Variants in SWAP70 observed in about 807,000 individuals in gnomAD.
SWAP70 encodes the protein switch-associated protein 70.
SWAP70 carries 34 observed loss-of-function variants against 80.2 expected under a neutral mutation model. That is an observed-to-expected ratio of 0.42 (90% CI 0.32 to 0.56). The LOEUF is 0.56. Ranked by LOEUF, SWAP70 falls within the 20% of genes least tolerant of loss-of-function variation. SWAP70 has a pLI of 0.09. For synonymous variants in SWAP70, 239 were observed against 238.5 expected (o/e 1.00, Z -0.02); for missense variants, 578 against 690.7 (o/e 0.84, Z 1.83).
chr11:9,743,330 T>C (rs1159340319), intron 9 of SWAP70, among the ~76,000 whole-genome samples: 2 of 151,782 alleles, frequency 1.3e-5, no homozygotes, highest in Non-Finnish European at 2.9e-5. Context: ...TCCAAGTCTT[T>C]GCTATTGTGA....
At position 9,740,346 on chromosome 11, in the gene SWAP70, A is replaced by G; in HGVS notation, c.1354A>G (p.Arg452Gly). 1 of 1,614,182 alleles carries G rather than the reference A, an allele frequency of 6.2e-7. No homozygotes were observed. The highest frequency in any genetic ancestry group is 1.1e-5 in the South Asian group (1 of 91,080). The change falls in exon 9 of 12, where the codon AGG becomes GGG. Residue 452 changes from arginine to glycine, a missense_variant and splice_region_variant. Coordinates refer to ENST00000318950, the MANE Select transcript of SWAP70 (RefSeq NM_015055.4). ...AGAGACAGTGCGGAAGCTTCAGGCC[A>G]GGTGCCAGATTTGTTTGCAGACTTT... ...DEETVRKLQA[R>G]LLEEESSKRA...
At chr11:9,745,146 A>G (rs60544361) in intron 9 of SWAP70, among the ~76,000 whole-genome samples, 15,103 of 152,172 alleles carry the variant, frequency 0.099, 1,907 homozygotes, top group East Asian at 0.28. Flanking sequence ...TACTTTTCAT[A>G]TATTTGAAGG....
At chr11:9,743,367 C>T (rs1054051210) in intron 9 of SWAP70, among the ~76,000 whole-genome samples, 9 of 151,952 alleles carry the variant, frequency 5.9e-5, no homozygotes, top group African/African-American at 2.2e-4. Flanking sequence ...CATACTTGTG[C>T]ATGTGTCTTT....
intron 9 of SWAP70, among the ~76,000 whole-genome samples, chr11:9,743,933 G>A (rs1851475887): frequency 6.6e-6 from 1 of 151,172 alleles, no homozygotes; most frequent in African/African-American, 2.4e-5. Flanking sequence ...TGAAAGACAA[G>A]AACTTTAGCT....
chr11:9,720,049 A>G, intron 3 of SWAP70: 1 of 985,190 alleles, frequency 1.0e-6, no homozygotes, highest in Middle Eastern at 5.2e-4. Flanking sequence ...CTGCTTCCTG[A>G]AACTGAATGA....
intron 1 of SWAP70, among the ~76,000 whole-genome samples, chr11:9,683,751 C>T (rs1025071283): frequency 1.3e-5 from 2 of 152,212 alleles, no homozygotes; most frequent in African/African-American, 4.8e-5. Context: ...CCTACCACCC[C>T]GCTCTGTCAC....
At chr11:9,743,951 C>T (rs894756893) in intron 9 of SWAP70, among the ~76,000 whole-genome samples, 1 of 144,508 alleles carries the variant, frequency 6.9e-6, no homozygotes, top group Non-Finnish European at 1.5e-5. Context: ...GCTTGAAACA[C>T]GTAGATCTTG....
At chr11:9,742,951 A>G (rs1394889704) in intron 9 of SWAP70, among the ~76,000 whole-genome samples, 2 of 148,516 alleles carry the variant, frequency 1.3e-5, no homozygotes, top group African/African-American at 2.5e-5. Context: ...CACAATGTGC[A>G]GGTTTGTTAC....
chr11:9,707,804 C>T (rs935852752), intron 2 of SWAP70, among the ~76,000 whole-genome samples: 3 of 152,102 alleles, frequency 2.0e-5, no homozygotes, highest in Non-Finnish European at 4.4e-5. Flanking sequence ...GATCCACCTG[C>T]GTTGGCCTCC....
At chr11:9,680,164 T>G (rs1017924159) in intron 1 of SWAP70, among the ~76,000 whole-genome samples, 3 of 152,176 alleles carry the variant, frequency 2.0e-5, no homozygotes, top group Non-Finnish European at 4.4e-5. Context: ...GCCTTGTCCC[T>G]TAAGTTGAGG....
At chr11:9,668,610 A>G (rs181975484) in intron 1 of SWAP70, among the ~76,000 whole-genome samples, 1 of 152,296 alleles carries the variant, frequency 6.6e-6, no homozygotes, top group African/African-American at 2.4e-5. Context: ...TAAGTCTACT[A>G]TGTGTAAGGT....
chr11:9,733,437 G>T (rs1294636065), intron 7 of SWAP70, among the ~76,000 whole-genome samples: 1 of 152,158 alleles, frequency 6.6e-6, no homozygotes, highest in Non-Finnish European at 1.5e-5. Flanking sequence ...CATAATCTGT[G>T]ACTCTACATA....
At chr11:9,742,523 G>A (rs1851454256) in intron 9 of SWAP70, among the ~76,000 whole-genome samples, 1 of 152,060 alleles carries the variant, frequency 6.6e-6, no homozygotes, top group African/African-American at 2.4e-5. Context: ...TTTTAGTAGA[G>A]ATGGGGTTTT....
chr11:9,706,410 TTTTG>T (rs1466615011), intron 2 of SWAP70, among the ~76,000 whole-genome samples: 10 of 152,318 alleles, frequency 6.6e-5, no homozygotes, highest in East Asian at 1.9e-4. Context: ...CATTTTGTCT[TTTTG>T]TTTATTTTAT....
intron 2 of SWAP70, chr11:9,703,273 A>G (rs565890013): frequency 6.8e-6 from 3 of 438,174 alleles, no homozygotes; most frequent in African/African-American, 4.0e-5. Flanking sequence ...ATTCCTTTTT[A>G]TGGCTGAATA....
Position 9,717,405 on chromosome 11 carries a change from G to C in SWAP70, c.414+3766G>C, listed in dbSNP as rs139961555. 3.4e-3 allele frequency among the ~76,000 whole-genome samples: 522 copies of C among 152,248 alleles called. 8 individuals carry two copies. In the East Asian group the frequency reaches 0.059, roughly 17 times the overall value. ...TCCCAGCACTTTGGGAGGCTGAGGC[G>C]GGCAGATCGCTTGAGCTCATGAGTT... On this transcript the variant is annotated intron_variant, in intron 3 of 11. Transcript: ENST00000318950.
chr11:9,710,398 G>T (rs1309091976), intron 2 of SWAP70, among the ~76,000 whole-genome samples: 3 of 152,114 alleles, frequency 2.0e-5, no homozygotes, highest in Non-Finnish European at 4.4e-5. Context: ...GGGGCCGTGG[G>T]AAATGGTGTT....
chr11:9,675,373 GAGAGAGAGAGAGAGA>G (rs1850481380), intron 1 of SWAP70, among the ~76,000 whole-genome samples: 4 of 56,586 alleles, frequency 7.1e-5, no homozygotes, highest in Admixed American at 1.5e-4. Context: ...GAGAGAGAGA[GAGAGAGAGAGAGAGA>G]GAGAGAGAGA....
At chr11:9,745,919 C>A (rs146198517) in intron 9 of SWAP70, among the ~76,000 whole-genome samples, 5 of 152,162 alleles carry the variant, frequency 3.3e-5, no homozygotes, top group African/African-American at 1.2e-4. Context: ...GGTGACCAGG[C>A]CTTGAACACA....
Sources: allele counts gnomAD v4.1 joint callset (sites outside exome capture counted in the v4.1 genomes callset), GRCh38; gene constraint gnomAD v4.1.1; transcripts MANE v1.5; gene names NCBI Gene and HGNC (gene_info 2026-07-23, HGNC 2026-07-21).